The following SIAE variants were observed in gnomAD, a reference collection of about 807,000 sequenced individuals.
The protein encoded by SIAE is sialic acid acetylesterase, also known as sialate O-acetylesterase.
Under a neutral mutation model 52.6 loss-of-function variants are expected in SIAE, and 39 were observed. That is an observed-to-expected ratio of 0.74 (90% CI 0.57 to 0.97). The LOEUF is 0.97. Ranked by LOEUF, SIAE falls within the 50% of genes least tolerant of loss-of-function variation. The pLI is 0.00. For synonymous variants in SIAE, 233 were observed against 241.4 expected (o/e 0.97, Z 0.32); for missense variants, 592 against 662.1 (o/e 0.89, Z 1.16).
rs754240756 is a variant in SIAE, at chr11:124,633,593, A to G, written c.*3358T>C. ...GATCAGGCAGCAGTGTTTAGAGCAC[A>G]CCACACTGGCCACTGTAAACTGAGA... On this transcript the variant is annotated 3_prime_UTR_variant, in exon 10 of 10. Coordinates refer to ENST00000263593, the MANE Select transcript of SIAE (RefSeq NM_170601.5). 2.0e-5 allele frequency: 3 copies of G among 152,258 alleles called. No homozygotes were observed. The highest frequency in any genetic ancestry group is 4.4e-5 in the Non-Finnish European group (3 of 68,066). 9.4% of individuals were successfully genotyped at this position (152,258 alleles called of 1,614,324 possible).
chr11:124,662,130 G>T (rs1334645311), intron 2 of SIAE, among the ~76,000 whole-genome samples: 1 of 152,228 alleles, frequency 6.6e-6, no homozygotes, highest in South Asian at 2.1e-4. Context: ...TCCCTAAGAG[G>T]TTAATTAAAT....
Position 124,654,753 on chromosome 11 carries a change from T to C in SIAE, c.446A>G (p.Tyr149Cys), listed in dbSNP as rs572325096. The part of the protein sequence containing the change: ...ATRELSNTAA[Y>C]QSVRILSVSP... ...GACAGAGAGGATGCGGACAGACTGATATGCCGCAGTGTTAGACAACTCCCT... is the reference window on the plus strand; with the variant it reads ...GACAGAGAGGATGCGGACAGACTGACATGCCGCAGTGTTAGACAACTCCCT... The change falls in exon 4 of 10, where the codon TAT becomes TGT. Residue 149 changes from tyrosine (Y) to cysteine (C), a missense_variant. Tyr to Cys is a radical substitution (Grantham distance 194). Coordinates refer to ENST00000263593, the MANE Select transcript of SIAE (RefSeq NM_170601.5). 6.2e-6 allele frequency: 10 copies of C among 1,614,092 alleles called. No homozygotes were observed. The East Asian group carries it at 2.2e-4, about 36-fold the overall frequency.
chr11:124,637,032 G>T lies in SIAE; in HGVS notation c.1491C>A (p.Pro497=), dbSNP rs745823916. 2.5e-6 allele frequency: 4 copies of T among 1,614,050 alleles called. No individual in the cohort carries two copies. The highest frequency in any genetic ancestry group is 3.3e-5 in the Admixed American group (2 of 60,000). The part of the protein sequence containing the change: ...CEYKQCPLYH[P]SSALPAPPFI... ...AGGGAGGGGCTGGCAGGGCACTACT[G>T]GGGTGGTATAGGGGACACTGCTTAT... The change falls in exon 10 of 10, where the codon CCC becomes CCA. Residue 497 remains proline, a synonymous_variant. Coordinates refer to ENST00000263593, the MANE Select transcript of SIAE (RefSeq NM_170601.5).
chr11:124,646,664 T>C (rs1445183658), intron 7 of SIAE, among the ~76,000 whole-genome samples: 1 of 152,208 alleles, frequency 6.6e-6, no homozygotes, highest in East Asian at 1.9e-4. Flanking sequence ...CAGAGAAATC[T>C]GGGGACATGT....
chr11:124,658,124 AAC>A (rs1177553732), intron 3 of SIAE, among the ~76,000 whole-genome samples: 2 of 152,132 alleles, frequency 1.3e-5, no homozygotes, highest in Non-Finnish European at 2.9e-5. Context: ...TTCATTTTGT[AAC>A]CTTTATACCA....
At position 124,635,160 on chromosome 11, in the gene SIAE, G is replaced by A. The variant is rs1942697581; in HGVS notation, c.*1791C>T. 1 of 152,180 alleles carries A rather than the reference G, an allele frequency of 6.6e-6. No individual in the cohort carries two copies. The allele number at this position is 152,180 out of a possible 1,614,324, so 9.4% of individuals were successfully genotyped here. Reference sequence around the variant, plus strand: ...TGCCCCCGAATTAGAACAGCCCATGGGGGTATGTGTATTGGGAGTGGAGGA... The same window carrying A: ...TGCCCCCGAATTAGAACAGCCCATGAGGGTATGTGTATTGGGAGTGGAGGA... On this transcript the variant is annotated 3_prime_UTR_variant, in exon 10 of 10. Transcript: ENST00000263593.
intron 1 of SIAE, among the ~76,000 whole-genome samples, chr11:124,672,543 T>C (rs1057109108): frequency 6.6e-6 from 1 of 152,160 alleles, no homozygotes. Context: ...ATGTGATCAA[T>C]GTTAATGAAG....
At position 124,639,734 on chromosome 11, in the gene SIAE, C is replaced by T; in HGVS notation, c.1100G>A (p.Cys367Tyr). ...NTFMAVAMDL[C>Y]DRDSPFGSIH... ...CCTGCCAAAAGGCGAGTCTCTATCA[C>T]AGAGATCCATAGCTACAGCCATGAA... is the stretch of plus-strand genomic sequence containing the variant. The change falls in exon 8 of 10, where the codon TGT (cysteine) becomes TAT (tyrosine). Residue 367 changes from cysteine to tyrosine, a missense_variant. Physicochemically the swap from Cys to Tyr is radical, Grantham distance 194. Coordinates refer to ENST00000263593, the MANE Select transcript of SIAE (RefSeq NM_170601.5). 6.2e-7 allele frequency: 1 copy of T among 1,614,130 alleles called. No homozygotes were observed. Among genetic ancestry groups the T allele is most frequent in the Non-Finnish European group, 8.5e-7 (1 of 1,179,984 alleles).
At chr11:124,666,088 T>A (rs915844182) in intron 2 of SIAE, among the ~76,000 whole-genome samples, 1 of 152,190 alleles carries the variant, frequency 6.6e-6, no homozygotes, top group African/African-American at 2.4e-5. Context: ...TTTGACAACA[T>A]CGTTTGAACC....
At chr11:124,640,608 C>T (rs1246719409) in intron 7 of SIAE, among the ~76,000 whole-genome samples, 1 of 152,180 alleles carries the variant, frequency 6.6e-6, no homozygotes, top group Non-Finnish European at 1.5e-5. Context: ...AGAATCTGCC[C>T]TTGAGCATGT....
At chr11:124,662,455 G>T (rs59083800) in intron 2 of SIAE, among the ~76,000 whole-genome samples, 1 of 152,084 alleles carries the variant, frequency 6.6e-6, no homozygotes. Context: ...GAAAACCAAG[G>T]ACTATTTCTT....
chr11:124,654,686 C>A lies in SIAE; in HGVS notation c.513G>T (p.Ala171=). Residue 171 remains alanine (A), a synonymous_variant, in exon 4 of 10, where the codon GCG becomes GCT. Coordinates refer to ENST00000263593, the MANE Select transcript of SIAE (RefSeq NM_170601.5). ...TGGGCTTAGACCACTGCAAGTCAAC[C>A]GCAACAAGGTCCTCCAGCTCCTGCT... The part of the protein sequence containing the change: ...QAEQELEDLV[A]VDLQWSKPTS... The A allele has an allele frequency of 6.2e-7, 1 of 1,614,142 alleles. No individual in the cohort carries two copies. The highest frequency in any genetic ancestry group is 8.5e-7 in the Non-Finnish European group (1 of 1,180,020).
At chr11:124,649,892 A>G in intron 4 of SIAE, 96 bp from the exon 5 acceptor site, 1 of 1,143,400 alleles carries the variant, frequency 8.7e-7, no homozygotes, top group Non-Finnish European at 1.3e-6. Flanking sequence ...GGGTGGGCAG[A>G]GGTCATTCTT....
At chr11:124,649,018 C>G (rs1565411604) in intron 5 of SIAE, among the ~76,000 whole-genome samples, 1 of 152,230 alleles carries the variant, frequency 6.6e-6, no homozygotes, top group African/African-American at 2.4e-5. Flanking sequence ...TTTGTATTCA[C>G]TAGCCCTTTC....
chr11:124,656,809 G>A (rs533372436), intron 3 of SIAE, among the ~76,000 whole-genome samples: 40 of 152,120 alleles, frequency 2.6e-4, no homozygotes, highest in Admixed American at 1.6e-3. Flanking sequence ...CCCAGTTACC[G>A]CTTGCCTCAG....
chr11:124,660,960 C>T (rs562804500), intron 2 of SIAE, among the ~76,000 whole-genome samples, 157 bp from the exon 3 acceptor site: 1 of 152,164 alleles, frequency 6.6e-6, no homozygotes, highest in Non-Finnish European at 1.5e-5. Flanking sequence ...AGAACTAACA[C>T]GAGCAGCAGC....
chr11:124,664,028 T>C (rs1290430885), intron 2 of SIAE, among the ~76,000 whole-genome samples: 2 of 152,204 alleles, frequency 1.3e-5, no homozygotes, highest in Admixed American at 6.5e-5. Flanking sequence ...AAATCTCTGC[T>C]TCCTCGCATT....
At chr11:124,637,226 GA>G in intron 9 of SIAE, 24 bp from the exon 10 acceptor site, 2 of 1,613,926 alleles carry the variant, frequency 1.2e-6, no homozygotes, top group Non-Finnish European at 1.7e-6. Flanking sequence ...CATAAAATAG[GA>G]ATGATTAGGT....
In SIAE at chr11:124,647,405, T is replaced by G. The variant is rs757586703; in HGVS notation, c.926A>C (p.Gln309Pro). Reference sequence around the variant, plus strand: ...TGGGAAGAAACGCTCCGTCTGCCCCTGGGAACCACGGTGGAAGGTTTCACG... The same window carrying G: ...TGGGAAGAAACGCTCCGTCTGCCCCGGGGAACCACGGTGGAAGGTTTCACG... ...DWRETFHRGS[Q>P]GQTERFFPFG... Residue 309 changes from glutamine (Q) to proline (P), a missense_variant, in exon 7 of 10, where the codon CAG becomes CCG. By Grantham distance (76) the Gln-to-Pro change is moderately conservative. Transcript: ENST00000263593. 253 of 1,614,066 alleles carry G rather than the reference T, an allele frequency of 1.6e-4. No individual in the cohort carries two copies. Among genetic ancestry groups the G allele is most frequent in the Middle Eastern group, 6.6e-4 (4 of 6,084 alleles).
Sources: gnomAD v4.1 joint callset for allele counts (sites outside exome capture counted in the v4.1 genomes callset) on GRCh38, gnomAD v4.1.1 for gene constraint, MANE v1.5 for transcripts, NCBI Gene and HGNC (gene_info 2026-07-23, HGNC 2026-07-21) for gene names.